The following ZSCAN18 variants were observed in gnomAD, a reference collection of about 807,000 sequenced individuals.
ZSCAN18 encodes zinc finger and SCAN domain containing 18.
Under a neutral mutation model 31.1 loss-of-function variants are expected in ZSCAN18, and 16 were observed. That is an observed-to-expected ratio of 0.51 (90% CI 0.35 to 0.78). The LOEUF is 0.78. Ranked by LOEUF, ZSCAN18 falls within the 30% of genes least tolerant of loss-of-function variation. The probability of loss-of-function intolerance (pLI) is 0.01; values close to 1 mark genes in which losing one functional copy is unlikely to be tolerated. For synonymous variants in ZSCAN18, 375 were observed against 320.7 expected (o/e 1.17, Z -1.81); for missense variants, 731 against 697.4 (o/e 1.05, Z -0.54).
At chr19:58,107,354 C>CA (rs1267566457) in intron 1 of ZSCAN18, among the ~76,000 whole-genome samples, 5 of 151,782 alleles carry the variant, frequency 3.3e-5, no homozygotes, top group Admixed American at 3.3e-4. Flanking sequence ...GTCAGGAGTT[C>CA]AAGACCAGCC....
intron 1 of ZSCAN18, among the ~76,000 whole-genome samples, chr19:58,105,511 A>C (rs892572344): frequency 2.6e-5 from 4 of 152,058 alleles, no homozygotes; most frequent in Non-Finnish European, 5.9e-5. Context: ...AATACAAAAA[A>C]TTAGCCGGGC....
chr19:58,084,896 T>C lies in ZSCAN18; in HGVS notation c.1322A>G (p.Tyr441Cys), dbSNP rs1409205355. Residue 441 changes from tyrosine to cysteine, a missense_variant, in exon 7 of 7, where the codon TAC (tyrosine) becomes TGC (cysteine). By Grantham distance (194) the Tyr-to-Cys change is radical (BLOSUM62 -2). Around this residue, in one of 4 missense-constraint regions of ZSCAN18, gnomAD observed 597 missense variants for 499.5 expected, o/e 1.20. Coordinates refer to ENST00000601144, the MANE Select transcript of ZSCAN18 (RefSeq NM_001145543.2). This position sits in a 1 kb window ranked among gnomAD's most constrained non-coding sequence, Gnocchi z 4.5. ...HHSSHGGRKR[Y>C]ACQGCWKTFH... ...GGTCTTCCAGCAGCCCTGACAGGCG[T>C]AGCGCTTCCGGCCGCCATGGCTGCT... 2 of 1,594,974 alleles carry C rather than the reference T, an allele frequency of 1.3e-6. No individual in the cohort carries two copies. Among genetic ancestry groups the C allele is most frequent in the African/African-American group, 1.3e-5 (1 of 74,832 alleles).
At chr19:58,106,904 G>C (rs1488134389) in intron 1 of ZSCAN18, among the ~76,000 whole-genome samples, 1 of 151,476 alleles carries the variant, frequency 6.6e-6, no homozygotes, top group Non-Finnish European at 1.5e-5. Context: ...GGGATTACAG[G>C]TGTGCACCAT....
chr19:58,100,101 G>C (rs557780540), upstream of ZSCAN18, among the ~76,000 whole-genome samples: 45 of 151,318 alleles, frequency 3.0e-4, no homozygotes, highest in South Asian at 9.2e-3. Context: ...TGGAACTACA[G>C]GTGTGCGCTA....
intron 1 of ZSCAN18, among the ~76,000 whole-genome samples, chr19:58,103,278 T>C (rs956327546): frequency 2.0e-5 from 3 of 152,218 alleles, no homozygotes; most frequent in African/African-American, 4.8e-5. Flanking sequence ...CTTCCAGATA[T>C]AGGCATTACC....
chr19:58,092,760 CGATACCTCTACTTTTTTTTTTT>C, intron 1 of ZSCAN18: 2 of 974,230 alleles, frequency 2.1e-6, no homozygotes, highest in Non-Finnish European at 2.4e-6. Flanking sequence ...ACCACCACCA[CGATACCTCTACTTTTTTTTTTT>C]TTTTTTTTAA....
chr19:58,099,412 A>T (rs1478340443), upstream of ZSCAN18, among the ~76,000 whole-genome samples: 1 of 152,160 alleles, frequency 6.6e-6, no homozygotes, highest in East Asian at 1.9e-4. Flanking sequence ...AGAGGCATTG[A>T]AGTAGTATGT....
upstream of ZSCAN18, among the ~76,000 whole-genome samples, chr19:58,102,944 A>G (rs2146019253): frequency 1.3e-5 from 2 of 152,104 alleles, no homozygotes; most frequent in South Asian, 4.1e-4. Flanking sequence ...CCAGCCTGGC[A>G]AAACCTCGTC....
At chr19:58,096,492 C>T (rs557812668) in intron 1 of ZSCAN18, among the ~76,000 whole-genome samples, 10 of 152,212 alleles carry the variant, frequency 6.6e-5, no homozygotes, top group Admixed American at 3.3e-4. Flanking sequence ...GAGAGCTCCA[C>T]GGTGGGTGAG....
chr19:58,088,557 G>A (rs2074333047), intron 3 of ZSCAN18, 131 bp downstream of exon 3: 1 of 845,438 alleles, frequency 1.2e-6, no homozygotes. Context: ...ACAGGAGGAA[G>A]TCCCAATGAT....
chr19:58,116,458 T>C (rs1419853063), intron 1 of ZSCAN18, among the ~76,000 whole-genome samples: 3 of 151,922 alleles, frequency 2.0e-5, no homozygotes, highest in African/African-American at 7.3e-5. Context: ...GGTATGGGAA[T>C]AGGCAAAGAA....
upstream of ZSCAN18, among the ~76,000 whole-genome samples, chr19:58,102,282 C>A (rs1190407084): frequency 1.3e-5 from 2 of 151,982 alleles, no homozygotes; most frequent in African/African-American, 4.8e-5. Flanking sequence ...CACGGTGAAA[C>A]CCTGTCTCTA....
In ZSCAN18 at chr19:58,088,700, G is replaced by A; in HGVS notation, c.541C>T (p.Pro181Ser). The A allele has an allele frequency of 1.9e-6, 3 of 1,609,854 alleles. No homozygotes were observed. The highest frequency in any genetic ancestry group is 2.5e-6 in the Non-Finnish European group (3 of 1,179,958). ...GCTGGGCACTCACGTGTCTCAGAAG[G>A]TGCCGGGATCTCCCCAGCTCCAAGG... is the stretch of plus-strand genomic sequence containing the variant. The part of the protein sequence containing the change: ...QALGAGEIPA[P>S]SETPWLSPDP... The change falls in exon 3 of 7, where the codon CCT becomes TCT. Residue 181 changes from proline (P) to serine (S), a missense_variant. Coordinates refer to ENST00000601144, the MANE Select transcript of ZSCAN18 (RefSeq NM_001145543.2).
chr19:58,098,150 G>A (rs746807626), intron 1 of ZSCAN18, 24 bp downstream of exon 1: 213 of 985,506 alleles, frequency 2.2e-4, no homozygotes, highest in Non-Finnish European at 2.4e-4. Flanking sequence ...TGACCCCCGC[G>A]CTGCATCCCC....
At chr19:58,095,557 T>C (rs1260486165) in intron 1 of ZSCAN18, among the ~76,000 whole-genome samples, 1 of 151,936 alleles carries the variant, frequency 6.6e-6, no homozygotes, top group Non-Finnish European at 1.5e-5. Flanking sequence ...CCCAGCCAGC[T>C]CCCCCAGCCC....
chr19:58,100,738 C>T (rs1385804892), upstream of ZSCAN18, among the ~76,000 whole-genome samples: 1 of 108,038 alleles, frequency 9.3e-6, no homozygotes, highest in Non-Finnish European at 2.2e-5. Context: ...CAAAAATTAG[C>T]CAGGCATGGT....
At position 58,084,736 on chromosome 19, in the gene ZSCAN18, T is replaced by C. The variant is rs1217513447; in HGVS notation, c.1482A>G (p.Pro494=). The stretch of plus-strand genomic sequence containing the variant: ...GGGGAGCCTCGCCCTCCACGCTCTC[T>C]GGGGGACCGCCCGCCCTAGCCCCCG... ...AQAGARAGGP[P]ESVEGEAPPA... Residue 494 remains proline, a synonymous_variant, in exon 7 of 7, where the codon CCA becomes CCG. Transcript: ENST00000601144. This position sits in a 1 kb window ranked among gnomAD's most constrained non-coding sequence, Gnocchi z 4.5. 8.4e-6 allele frequency: 13 copies of C among 1,546,168 alleles called. No individual in the cohort carries two copies. Among genetic ancestry groups the C allele is most frequent in the Admixed American group, 3.9e-5 (2 of 51,916 alleles).
At position 58,089,355 on chromosome 19, in the gene ZSCAN18, T is replaced by C. The variant is rs1455539250; in HGVS notation, c.403+510A>G. ...AAAAAAAAAGAGGCTGGGCTGGGTG[T>C]GGTGGCTCACAACTGTAATCCCAGC... On this transcript the variant is annotated intron_variant, in intron 2 of 6. Coordinates refer to ENST00000601144, the MANE Select transcript of ZSCAN18 (RefSeq NM_001145543.2). 3.2e-4 allele frequency among the ~76,000 whole-genome samples: 36 copies of C among 111,542 alleles called. No homozygotes were observed. The East Asian group carries it at 0.01, about 31-fold the overall frequency. The allele number at this position is 111,542 out of a possible 152,430, so 73.2% of individuals were successfully genotyped here.
intron 1 of ZSCAN18, among the ~76,000 whole-genome samples, chr19:58,113,008 A>G (rs2074698848): frequency 6.6e-6 from 1 of 151,162 alleles, no homozygotes; most frequent in African/African-American, 2.4e-5. Context: ...GAGAAACACA[A>G]TTTTCACATA....
Sources: allele counts gnomAD v4.1 joint callset (sites outside exome capture counted in the v4.1 genomes callset), GRCh38; gene constraint gnomAD v4.1.1; regional missense constraint gnomAD v4.1.1; non-coding constraint Gnocchi (gnomAD v3.1); transcripts MANE v1.5; gene names NCBI Gene and HGNC (gene_info 2026-07-23, HGNC 2026-07-21).